Variants in KDM2B observed in about 807,000 individuals in gnomAD.
KDM2B encodes the protein lysine demethylase 2B, also known as lysine-specific demethylase 2B.
A neutral mutation model predicts 150.0 loss-of-function variants in KDM2B; 26 were observed. The ratio of observed to expected loss-of-function variants is 0.17; its 90% CI spans 0.13 to 0.24. KDM2B has a LOEUF of 0.24. Ranked by LOEUF, KDM2B falls within the 10% of genes least tolerant of loss-of-function variation. The probability of loss-of-function intolerance (pLI) is 1.00; values close to 1 mark genes in which losing one functional copy is unlikely to be tolerated. For synonymous variants in KDM2B, 734 were observed against 729.5 expected, an observed-to-expected ratio of 1.01 and a Z score of -0.10; for missense variants, 1,265 against 1,816.9, an observed-to-expected ratio of 0.70 and a Z score of 5.52.
chr12:121,573,646 G>A (rs548867855), intron 4 of KDM2B, among the ~76,000 whole-genome samples: 33 of 150,010 alleles, frequency 2.2e-4, no homozygotes, highest in African/African-American at 7.1e-4. Flanking sequence ...GCGCAGTGGC[G>A]CCATCTCTGC....
intron 2 of KDM2B, 119 bp downstream of exon 2, chr12:121,578,683 A>G: frequency 6.2e-6 from 2 of 324,396 alleles, no homozygotes; most frequent in East Asian, 4.2e-4. Context: ...TCGTTTCGTC[A>G]CCGGATCCCC....
chr12:121,545,288 C>A (rs895963248), intron 6 of KDM2B, among the ~76,000 whole-genome samples: 3 of 152,142 alleles, frequency 2.0e-5, no homozygotes, highest in Non-Finnish European at 2.9e-5. Flanking sequence ...GTTCCCATGA[C>A]CACTGACGGG....
At position 121,521,508 on chromosome 12, in the gene KDM2B, C is replaced by T. The variant is rs564676384; in HGVS notation, c.932-408G>A. Among the ~76,000 whole-genome samples the T allele has an allele frequency of 1.1e-3, 171 of 152,338 alleles. 1 individual carries two copies. In the Middle Eastern group the frequency reaches 0.02, roughly 18 times the overall value. ...CACATGTGTCCAGAGTCTTTCCTCA[C>T]CATCCCAGAGGGGTCACAAAGGATG... On this transcript the variant is annotated intron_variant, in intron 8 of 22. Coordinates refer to ENST00000377071, the MANE Select transcript of KDM2B (RefSeq NM_032590.5). The surrounding 1 kb of genome is among the most constrained non-coding windows in gnomAD (Gnocchi z 4.9).
intron 12 of KDM2B, among the ~76,000 whole-genome samples, chr12:121,487,863 GCTCCGC>G (rs1315486094): frequency 6.7e-6 from 1 of 149,946 alleles, no homozygotes; most frequent in Admixed American, 6.7e-5. Context: ...CTCACTGCAA[GCTCCGC>G]CTCCCAGGTT....
intron 10 of KDM2B, among the ~76,000 whole-genome samples, chr12:121,510,650 G>A (rs1302488402): frequency 6.6e-6 from 1 of 151,976 alleles, no homozygotes; most frequent in African/African-American, 2.4e-5. Flanking sequence ...CAAATTAGCT[G>A]GGTGTGATGA....
At chr12:121,480,465 G>T (rs1342657778) in intron 12 of KDM2B, among the ~76,000 whole-genome samples, 1 of 151,650 alleles carries the variant, frequency 6.6e-6, no homozygotes, top group Admixed American at 6.6e-5. Flanking sequence ...ACAGGTTCAG[G>T]CCAGGAACGG....
intron 4 of KDM2B, among the ~76,000 whole-genome samples, chr12:121,562,415 CG>C (rs1200917578): frequency 6.6e-6 from 1 of 152,100 alleles, no homozygotes; most frequent in East Asian, 1.9e-4. Flanking sequence ...ACCTGGGAGG[CG>C]GAAGTTGCAG....
At chr12:121,443,198 C>T in intron 17 of KDM2B, 168 bp from the exon 18 acceptor site, 1 of 651,996 alleles carries the variant, frequency 1.5e-6, no homozygotes, top group South Asian at 1.9e-5. Flanking sequence ...GCGAGCCCTG[C>T]CTGCAGCTTT....
At chr12:121,496,216 TACATCCAC>T (rs1883918986) in intron 11 of KDM2B, among the ~76,000 whole-genome samples, 1 of 151,996 alleles carries the variant, frequency 6.6e-6, no homozygotes, top group Admixed American at 6.6e-5. Flanking sequence ...TTTTTTTGGC[TACATCCAC>T]ACATCCACAG....
intron 13 of KDM2B, among the ~76,000 whole-genome samples, chr12:121,450,490 C>G (rs1273931367): frequency 4.6e-5 from 7 of 152,202 alleles, no homozygotes; most frequent in African/African-American, 1.7e-4. Flanking sequence ...GAGACGTCAC[C>G]TCATACAAAT....
rs1877485816 is a variant in KDM2B at position 121,452,618 on chromosome 12, C to T, written c.1959+502G>A. Reference sequence around the variant, plus strand: ...CCGTTGCGAAGTCCATGTCCACTGCCCTGTCTGGGGACGAGACCAGCGGCG... The same window carrying T: ...CCGTTGCGAAGTCCATGTCCACTGCTCTGTCTGGGGACGAGACCAGCGGCG... On this transcript the variant is annotated intron_variant, in intron 13 of 22. Transcript: ENST00000377071. This position sits in a 1 kb window ranked among gnomAD's most constrained non-coding sequence, Gnocchi z 4.4. 6.6e-6 allele frequency among the ~76,000 whole-genome samples: 1 copy of T among 152,268 alleles called. No homozygotes were observed. Among genetic ancestry groups the T allele is most frequent in the African/African-American group, 2.4e-5 (1 of 41,476 alleles).
At chr12:121,555,950 G>A (rs782628117) in intron 4 of KDM2B, among the ~76,000 whole-genome samples, 7 of 150,038 alleles carry the variant, frequency 4.7e-5, no homozygotes, top group Middle Eastern at 3.4e-3. Flanking sequence ...TTTTTGAGAC[G>A]GAGTCTCACT....
rs374238136 is a variant in KDM2B, at chr12:121,520,182, C to T, written c.1047+803G>A. On this transcript the variant is annotated intron_variant, in intron 9 of 22. Coordinates refer to ENST00000377071, the MANE Select transcript of KDM2B (RefSeq NM_032590.5). This position sits in a 1 kb window ranked among gnomAD's most constrained non-coding sequence, Gnocchi z 4.5. ...CTGGGATTACAGGCAAGAGCCACCGCGCCCGGCCCCAAGTCTTCAGTTTTG... is the reference window on the plus strand; with the variant it reads ...CTGGGATTACAGGCAAGAGCCACCGTGCCCGGCCCCAAGTCTTCAGTTTTG... Among the ~76,000 whole-genome samples, 1 of 152,118 alleles carries T rather than the reference C, an allele frequency of 6.6e-6. No individual in the cohort carries two copies. The highest frequency in any genetic ancestry group is 1.5e-5 in the Non-Finnish European group (1 of 68,020).
chr12:121,570,879 C>T (rs1891039526), intron 4 of KDM2B, among the ~76,000 whole-genome samples: 1 of 152,156 alleles, frequency 6.6e-6, no homozygotes, highest in African/African-American at 2.4e-5. Context: ...ATATTTTTAG[C>T]AACATTATTC....
intron 12 of KDM2B, among the ~76,000 whole-genome samples, chr12:121,461,367 T>A (rs1555293738): frequency 6.6e-6 from 1 of 151,996 alleles, no homozygotes; most frequent in Non-Finnish European, 1.5e-5. Flanking sequence ...TCACAGTAAG[T>A]TAAAGGCTTC....
At chr12:121,546,694 C>T (rs1476721563) in intron 6 of KDM2B, among the ~76,000 whole-genome samples, 5 of 149,746 alleles carry the variant, frequency 3.3e-5, no homozygotes, top group African/African-American at 9.8e-5. Context: ...TGAGCCTCCG[C>T]GCCCAGCCTC....
At chr12:121,498,835 T>TA (rs1310746003) in intron 11 of KDM2B, among the ~76,000 whole-genome samples, 6 of 152,140 alleles carry the variant, frequency 3.9e-5, no homozygotes, top group East Asian at 3.9e-4. Flanking sequence ...AAGACTCTTT[T>TA]AAAAAAACAG....
chr12:121,418,014 A>G, the KDM2B span: 4 of 1,256,960 alleles, frequency 3.2e-6, no homozygotes, highest in Non-Finnish European at 3.3e-6. Flanking sequence ...ACTTCAAGTC[A>G]TGTGCTGGAG....
intron 12 of KDM2B, among the ~76,000 whole-genome samples, chr12:121,481,200 G>A (rs1296012950): frequency 6.6e-6 from 1 of 152,024 alleles, no homozygotes; most frequent in African/African-American, 2.4e-5. Flanking sequence ...CAAATTGTTG[G>A]GTGGTGTGAG....
Sources: allele counts gnomAD v4.1 joint callset (sites outside exome capture counted in the v4.1 genomes callset), GRCh38; gene constraint gnomAD v4.1.1; non-coding constraint Gnocchi (gnomAD v3.1); transcripts MANE v1.5; gene names NCBI Gene and HGNC (gene_info 2026-07-23, HGNC 2026-07-21).